Variants in CLUL1 observed in about 807,000 individuals in gnomAD.
The protein encoded by CLUL1 is clusterin like 1.
A neutral mutation model predicts 49.4 loss-of-function variants in CLUL1; 43 were observed. The observed-to-expected ratio is 0.87, with a 90% confidence interval of 0.68 to 1.12. The LOEUF (loss-of-function observed/expected upper bound fraction) is 1.12, where lower values mean the gene tolerates loss of function less well. Among genes scored for constraint, CLUL1 ranks in the 50% most tolerant of loss-of-function variants. CLUL1 has a pLI of 0.00. For synonymous variants in CLUL1, 192 were observed against 184.9 expected (o/e 1.04, Z -0.31); for missense variants, 486 against 544.4 (o/e 0.89, Z 1.07).
At chr18:611,193 T>C (rs981343097) in intron 2 of CLUL1, among the ~76,000 whole-genome samples, 22 of 149,664 alleles carry the variant, frequency 1.5e-4, no homozygotes, top group African/African-American at 3.9e-4. Context: ...CACCTTTGCA[T>C]CTTTCAGAAA....
At chr18:623,425 A>T (rs1257619619) in intron 4 of CLUL1, among the ~76,000 whole-genome samples, 1 of 152,134 alleles carries the variant, frequency 6.6e-6, no homozygotes, top group Admixed American at 6.5e-5. Context: ...TGGGCAGATC[A>T]CTTGAGGCCA....
chr18:624,819 T>C lies in CLUL1; in HGVS notation c.256-46T>C, dbSNP rs947597596. ...AGGGTGAAATCAACTAAGGTGCACATAGATTATGAAATGGAAATTGGACTT... is the reference window on the plus strand; with the variant it reads ...AGGGTGAAATCAACTAAGGTGCACACAGATTATGAAATGGAAATTGGACTT... On this transcript the variant is annotated intron_variant, in intron 4 of 9. Coordinates refer to ENST00000692774, the MANE Select transcript of CLUL1 (RefSeq NM_001393344.1). 8.2e-6 allele frequency: 13 copies of C among 1,582,842 alleles called. No homozygotes were observed. In the African/African-American group the frequency reaches 1.2e-4, roughly 15 times the overall value.
intron 1 of CLUL1, among the ~76,000 whole-genome samples, chr18:599,402 A>G (rs1233206933): frequency 2.6e-5 from 4 of 152,222 alleles, no homozygotes; most frequent in East Asian, 3.8e-4. Context: ...ATGAGGCACT[A>G]TGGAAAATTT....
intron 8 of CLUL1, among the ~76,000 whole-genome samples, chr18:643,265 C>T (rs1474730667): frequency 1.3e-5 from 2 of 151,988 alleles, no homozygotes; most frequent in South Asian, 2.1e-4. Flanking sequence ...TGTAGACATA[C>T]GTGTGTGTTT....
rs1567966754 is a variant in CLUL1 at position 626,938 on chromosome 18, G to GA, written c.424-159_424-158insA. Among the ~76,000 whole-genome samples, 66 of 8,390 alleles carry GA rather than the reference G, an allele frequency of 7.9e-3. 18 individuals are homozygous for GA. The highest frequency in any genetic ancestry group is 0.083 in the Middle Eastern group (2 of 24). 5.5% of individuals were successfully genotyped at this position (8,390 alleles called of 152,430 possible). A position where few individuals can be genotyped will look rare whatever the true frequency, so the allele number is the denominator to read the frequency against. On this transcript the variant is annotated intron_variant, in intron 5 of 9. Coordinates refer to ENST00000692774, the MANE Select transcript of CLUL1 (RefSeq NM_001393344.1). Reference sequence around the variant, plus strand: ...AAGAAAGAAAGAAAGAAGGAAAGAAGGAAAGAAGGAAGGAAGGAAGGAAGG... The same window carrying GA: ...AAGAAAGAAAGAAAGAAGGAAAGAAGAGAAAGAAGGAAGGAAGGAAGGAAGG...
At position 606,215 on chromosome 18, in the gene CLUL1, C is replaced by T. The variant is rs993763173; in HGVS notation, c.-135-763C>T. Reference sequence around the variant, plus strand: ...AGGTCAGGGTCCTCTCTTGGCATGACACTACCACCACAGTGCAGACCCACA... The same window carrying T: ...AGGTCAGGGTCCTCTCTTGGCATGATACTACCACCACAGTGCAGACCCACA... On this transcript the variant is annotated intron_variant, in intron 1 of 9. Transcript: ENST00000692774. This position sits in a 1 kb window ranked among gnomAD's most constrained non-coding sequence, Gnocchi z 4.1. Among the ~76,000 whole-genome samples the T allele has an allele frequency of 2.6e-5, 4 of 152,160 alleles. No homozygotes were observed. Among genetic ancestry groups the T allele is most frequent in the African/African-American group, 7.2e-5 (3 of 41,424 alleles).
At chr18:609,143 C>G (rs955921040) in intron 2 of CLUL1, among the ~76,000 whole-genome samples, 3 of 152,080 alleles carry the variant, frequency 2.0e-5, no homozygotes, top group Non-Finnish European at 4.4e-5. Context: ...ATACACGTAG[C>G]CTGAAGGTAA....
intron 7 of CLUL1, 89 bp downstream of exon 7, chr18:633,524 C>T: frequency 8.7e-7 from 1 of 1,155,870 alleles, no homozygotes; most frequent in Middle Eastern, 2.2e-4. Context: ...AGAAATAGCA[C>T]TCGAATATAA....
chr18:645,362 C>A (rs907450699), intron 9 of CLUL1: 5 of 287,408 alleles, frequency 1.7e-5, no homozygotes, highest in Non-Finnish European at 2.5e-5. Flanking sequence ...TTTTTGAAAG[C>A]TATTTGATTA....
intron 9 of CLUL1, among the ~76,000 whole-genome samples, chr18:645,806 AAAAAAT>A (rs1479968127): frequency 3.5e-4 from 18 of 51,862 alleles, no homozygotes; most frequent in South Asian, 7.5e-4. Flanking sequence ...AAAAAAAAAA[AAAAAAT>A]ATATATATAT....
At chr18:622,745 T>C (rs2073531619) in intron 4 of CLUL1, among the ~76,000 whole-genome samples, 1 of 152,222 alleles carries the variant, frequency 6.6e-6, no homozygotes, top group South Asian at 2.1e-4. Flanking sequence ...ATAACAGATG[T>C]CTTGCCTATG....
intron 4 of CLUL1, among the ~76,000 whole-genome samples, chr18:624,328 G>A (rs963203202): frequency 4.6e-5 from 7 of 151,968 alleles, no homozygotes; most frequent in African/African-American, 4.8e-5. Context: ...GCCATCCTGC[G>A]TCTCGGCAAT....
At position 627,201 on chromosome 18, in the gene CLUL1, A is replaced by G. The variant is rs1015381028; in HGVS notation, c.528A>G (p.Gln176=). 6.2e-7 allele frequency: 1 copy of G among 1,613,878 alleles called. No individual in the cohort carries two copies. Among genetic ancestry groups the G allele is most frequent in the South Asian group, 1.1e-5 (1 of 91,044 alleles). Residue 176 remains glutamine, a synonymous_variant, in exon 6 of 10, where the codon CAA becomes CAG. Coordinates refer to ENST00000692774, the MANE Select transcript of CLUL1 (RefSeq NM_001393344.1). ...ISEKLIEEDA[Q]LTQMEDVFSQ... Reference sequence around the variant, plus strand: ...AAAAGCTCATTGAGGAAGATGCACAATTGACCCAAATGGAGGATGTGTTCA... The same window carrying G: ...AAAAGCTCATTGAGGAAGATGCACAGTTGACCCAAATGGAGGATGTGTTCA...
intron 4 of CLUL1, among the ~76,000 whole-genome samples, chr18:624,312 A>G (rs572586183): frequency 6.6e-6 from 1 of 152,180 alleles, no homozygotes. Context: ...TTCTAATTGC[A>G]GAGATGCCAT....
At chr18:623,116 T>A (rs976434480) in intron 4 of CLUL1, among the ~76,000 whole-genome samples, 5 of 150,234 alleles carry the variant, frequency 3.3e-5, no homozygotes, top group African/African-American at 1.2e-4. Context: ...CACTGCAACC[T>A]CCGCCTCCTG....
chr18:610,295 C>T (rs1431011556), intron 2 of CLUL1, among the ~76,000 whole-genome samples: 2 of 152,204 alleles, frequency 1.3e-5, no homozygotes, highest in African/African-American at 4.8e-5. Flanking sequence ...ACTCAATAGT[C>T]TTCCATTCAT....
intron 6 of CLUL1, among the ~76,000 whole-genome samples, chr18:631,156 A>C (rs2073983998): frequency 6.6e-6 from 1 of 152,208 alleles, no homozygotes; most frequent in Non-Finnish European, 1.5e-5. Flanking sequence ...AAATAAAAAG[A>C]ATCAGAAATA....
chr18:617,857 G>A, intron 2 of CLUL1, 131 bp from the exon 3 acceptor site: 1 of 686,102 alleles, frequency 1.5e-6, no homozygotes, highest in Admixed American at 2.6e-5. Context: ...AGGCACATTA[G>A]CATAAGTTGT....
In CLUL1 at chr18:596,996, T is replaced by A. The variant is rs569306868; in HGVS notation, c.-269T>A. On this transcript the variant is annotated 5_prime_UTR_variant, in exon 1 of 10. Coordinates refer to ENST00000692774, the MANE Select transcript of CLUL1 (RefSeq NM_001393344.1). ...GTCTGCAGGCCCCGCCCACCCTGCGTCACCTGCAGGCCCGGGCCGCGGGGT... is the reference window on the plus strand; with the variant it reads ...GTCTGCAGGCCCCGCCCACCCTGCGACACCTGCAGGCCCGGGCCGCGGGGT... 1 of 151,386 alleles carries A rather than the reference T, an allele frequency of 6.6e-6. No individual in the cohort carries two copies. 9.4% of individuals were successfully genotyped at this position (151,386 alleles called of 1,614,324 possible).
Sources: allele counts gnomAD v4.1 joint callset (sites outside exome capture counted in the v4.1 genomes callset), GRCh38; gene constraint gnomAD v4.1.1; non-coding constraint Gnocchi (gnomAD v3.1); transcripts MANE v1.5; gene names NCBI Gene and HGNC (gene_info 2026-07-23, HGNC 2026-07-21).